Variants in SNX29 observed in about 807,000 individuals in gnomAD.
The protein encoded by SNX29 is sorting nexin-29.
Under a neutral mutation model 102.1 loss-of-function variants are expected in SNX29, and 78 were observed. The observed-to-expected ratio is 0.76, with a 90% CI of 0.64 to 0.92. The LOEUF (loss-of-function observed/expected upper bound fraction) is 0.92. Among genes scored for constraint, SNX29 ranks in the 40% least tolerant of loss-of-function variants. The pLI is 0.00. For missense variants in SNX29, 1,280 were observed against 1,061.7 expected, an observed-to-expected ratio of 1.21 and a Z score of -2.86; for synonymous variants, 580 against 414.5, an observed-to-expected ratio of 1.40 and a Z score of -4.85.
chr16:12,107,636 A>AAAAAAC (rs757131440), intron 11 of SNX29, among the ~76,000 whole-genome samples: 4 of 152,128 alleles, frequency 2.6e-5, no homozygotes, highest in Admixed American at 1.3e-4. Flanking sequence ...ACTCTGCCTC[A>AAAAAAC]AAAAACAAAA....
At chr16:12,038,677 T>C (rs2057545255) in intron 4 of SNX29, 1 of 152,218 alleles carries the variant, frequency 6.6e-6, no homozygotes, top group Admixed American at 6.5e-5. Context: ...TTTAAAAGGA[T>C]TCTGTAGCAG....
chr16:12,139,979 T>TGAAAAA lies in SNX29; in HGVS notation c.1595+10221_1595+10222insGAAAAA, dbSNP rs144110763. On this transcript the variant is annotated intron_variant, in intron 13 of 20. Transcript: ENST00000566228. ...CTGGGAGACAGAGAGATACCCTGTC[T>TGAAAAA]CAAAAAAAAAAAAAAAAAAAAAAAA... Among the ~76,000 whole-genome samples, 26 of 63,062 alleles carry TGAAAAA rather than the reference T, an allele frequency of 4.1e-4. 3 individuals are homozygous for TGAAAAA. Among genetic ancestry groups the TGAAAAA allele is most frequent in the African/African-American group, 1.4e-3 (22 of 15,474 alleles). The allele number at this position is 63,062 out of a possible 152,430, so 41.4% of individuals were successfully genotyped here.
At chr16:12,543,313 C>T (rs762015160) in intron 20 of SNX29, among the ~76,000 whole-genome samples, 1 of 152,154 alleles carries the variant, frequency 6.6e-6, no homozygotes, top group African/African-American at 2.4e-5. Flanking sequence ...GAATGGAGCA[C>T]CTTGATTAGC....
At position 12,125,603 on chromosome 16, in the gene SNX29, C is replaced by CTTTTTTTTTTT. The variant is rs1273937330; in HGVS notation, c.1403-1029_1403-1028insTTTTTTTTTTT. The stretch of plus-strand genomic sequence containing the variant: ...CAAGGGGGGCTTGTGGCTGAGATCT[C>CTTTTTTTTTTT]TCTTTTTTTTTTTTTTTTTTTTTTT... On this transcript the variant is annotated intron_variant, in intron 11 of 20. Coordinates refer to ENST00000566228, the MANE Select transcript of SNX29 (RefSeq NM_032167.5). Among the ~76,000 whole-genome samples, 4 of 71,496 alleles carry CTTTTTTTTTTT rather than the reference C, an allele frequency of 5.6e-5. 2 individuals carry two copies. Among genetic ancestry groups the CTTTTTTTTTTT allele is most frequent in the African/African-American group, 2.1e-4 (4 of 18,864 alleles). The allele number at this position is 71,496 out of a possible 152,430, so 46.9% of individuals were successfully genotyped here. A position where few individuals can be genotyped will look rare whatever the true frequency, so the allele number is the denominator to read the frequency against.
rs115075202 is a variant in SNX29, at chr16:12,205,564, C to T, written c.1678+5881C>T. ...AAACATGCCAGGCTGGCTCCTGCCT[C>T]AGGCTCTTTGCACGTGCTGCCCCTA... On this transcript the variant is annotated intron_variant, in intron 14 of 20. Coordinates refer to ENST00000566228, the MANE Select transcript of SNX29 (RefSeq NM_032167.5). Among the ~76,000 whole-genome samples the T allele has an allele frequency of 2.6e-3, 402 of 151,962 alleles. 2 individuals carry two copies. The highest frequency in any genetic ancestry group is 8.9e-3 in the African/African-American group (367 of 41,402).
intron 18 of SNX29, among the ~76,000 whole-genome samples, chr16:12,454,530 T>C (rs752181292): frequency 7.0e-4 from 107 of 152,128 alleles, no homozygotes; most frequent in Non-Finnish European, 7.3e-4. Flanking sequence ...TGAGTTTCCA[T>C]GGGCCACAGG....
intron 20 of SNX29, among the ~76,000 whole-genome samples, chr16:12,558,692 C>T (rs967533886): frequency 4.6e-5 from 7 of 152,184 alleles, no homozygotes; most frequent in African/African-American, 1.4e-4. Context: ...GGATTTGAAT[C>T]CACCCCCATC....
At chr16:12,534,326 C>G (rs571398279) in intron 20 of SNX29, among the ~76,000 whole-genome samples, 28 of 152,352 alleles carry the variant, frequency 1.8e-4, no homozygotes, top group African/African-American at 6.5e-4. Context: ...CCTCTGTGCC[C>G]AGCCAAATGT....
At chr16:12,009,623 C>A (rs1481389041) in intron 3 of SNX29, among the ~76,000 whole-genome samples, 2 of 151,900 alleles carry the variant, frequency 1.3e-5, no homozygotes, top group Non-Finnish European at 2.9e-5. Flanking sequence ...CCTGAGAAGC[C>A]TCCCCAGGAG....
At chr16:12,550,456 A>G (rs1396840144) in intron 20 of SNX29, among the ~76,000 whole-genome samples, 1 of 149,174 alleles carries the variant, frequency 6.7e-6, no homozygotes, top group African/African-American at 2.5e-5. Context: ...AATCACTTAA[A>G]CCCGGGAGGT....
intron 13 of SNX29, among the ~76,000 whole-genome samples, chr16:12,161,253 C>T (rs535815197): frequency 7.9e-4 from 121 of 152,346 alleles, no homozygotes; most frequent in Middle Eastern, 3.4e-3. Flanking sequence ...GTTTTCCCCT[C>T]GGATTTTCTT....
intron 16 of SNX29, among the ~76,000 whole-genome samples, chr16:12,357,782 G>T (rs1451973837): frequency 2.6e-5 from 4 of 151,842 alleles, no homozygotes; most frequent in African/African-American, 9.7e-5. Context: ...TTCTTCAACA[G>T]AGTCTTCTCT....
intron 13 of SNX29, among the ~76,000 whole-genome samples, chr16:12,137,633 C>G (rs1449032481): frequency 6.6e-6 from 1 of 152,192 alleles, no homozygotes; most frequent in Admixed American, 6.5e-5. Flanking sequence ...CACACTCCAC[C>G]CTGAGGGTCA....
chr16:12,248,478 G>T (rs1203110802), intron 14 of SNX29, among the ~76,000 whole-genome samples: 1 of 150,906 alleles, frequency 6.6e-6, no homozygotes, highest in Non-Finnish European at 1.5e-5. Context: ...TCACTGCAAC[G>T]TCTGCCTCCT....
chr16:12,559,195 G>A (rs1048221658), intron 20 of SNX29, among the ~76,000 whole-genome samples: 2 of 152,026 alleles, frequency 1.3e-5, no homozygotes, highest in African/African-American at 2.4e-5. Flanking sequence ...GCTACACAGT[G>A]GGTGAGCAGC....
At chr16:12,514,998 T>A (rs1032824679) in intron 19 of SNX29, among the ~76,000 whole-genome samples, 2 of 152,128 alleles carry the variant, frequency 1.3e-5, no homozygotes, top group African/African-American at 4.8e-5. Flanking sequence ...AATGAAATGA[T>A]GCTTAAGCAT....
intron 18 of SNX29, among the ~76,000 whole-genome samples, chr16:12,405,552 G>A (rs1259450205): frequency 1.3e-5 from 2 of 152,172 alleles, no homozygotes; most frequent in African/African-American, 4.8e-5. Flanking sequence ...TCTCTTGCAT[G>A]CAATTATTTT....
chr16:12,263,911 A>G (rs2078851536), intron 14 of SNX29, among the ~76,000 whole-genome samples: 1 of 152,140 alleles, frequency 6.6e-6, no homozygotes, highest in South Asian at 2.1e-4. Context: ...TGAAGCTTCT[A>G]ATCTAGGTAG....
At chr16:12,315,551 G>A (rs1440286925) in intron 15 of SNX29, among the ~76,000 whole-genome samples, 4 of 152,100 alleles carry the variant, frequency 2.6e-5, no homozygotes, top group Non-Finnish European at 2.9e-5. Flanking sequence ...AAGATAAAAC[G>A]TCATTAGGGT....
Sources: gnomAD v4.1 joint callset for allele counts (sites outside exome capture counted in the v4.1 genomes callset) on GRCh38, gnomAD v4.1.1 for gene constraint, MANE v1.5 for transcripts, NCBI Gene and HGNC (gene_info 2026-07-23, HGNC 2026-07-21) for gene names.